REDIC1: variants seen among roughly 807,000 people sequenced by gnomAD.
REDIC1 encodes the protein regulator of DNA class I crossover intermediates 1.
the REDIC1 span, among the ~76,000 whole-genome samples, chr12:39,751,283 G>T: frequency 5.4e-3 from 826 of 152,272 alleles, 6 homozygotes; most frequent in African/African-American, 0.018. Context: ...TATGCAGCCA[G>T]CAGACACATG....
the REDIC1 span, among the ~76,000 whole-genome samples, chr12:39,805,157 A>T: frequency 3.4e-5 from 5 of 145,562 alleles, no homozygotes; most frequent in African/African-American, 1.3e-4. Context: ...CAGGCCAGAG[A>T]GTTGTGTGTT....
chr12:39,739,253 A>T, the REDIC1 span, among the ~76,000 whole-genome samples: 1,645 of 152,256 alleles, frequency 0.011, 23 homozygotes, highest in African/African-American at 0.038. Flanking sequence ...CTTATAGAGG[A>T]CCTACCATAT....
the REDIC1 span, among the ~76,000 whole-genome samples, chr12:39,751,061 TG>T: frequency 2.6e-5 from 4 of 152,066 alleles, no homozygotes; most frequent in African/African-American, 9.7e-5. Flanking sequence ...AATTGACAAA[TG>T]GGATCTAATT....
At chr12:39,747,737 AAC>A in the REDIC1 span, among the ~76,000 whole-genome samples, 4 of 152,244 alleles carry the variant, frequency 2.6e-5, no homozygotes, top group Non-Finnish European at 5.9e-5. Context: ...TTTCAGCAGA[AAC>A]TCTACAAGCC....
At chr12:39,678,596 T>C in the REDIC1 span, among the ~76,000 whole-genome samples, 20 of 129,820 alleles carry the variant, frequency 1.5e-4, no homozygotes, top group African/African-American at 6.0e-4. Flanking sequence ...GAAGCCAGTA[T>C]CACCCTAATA....
chr12:39,851,347 A>T, the REDIC1 span, among the ~76,000 whole-genome samples: 1 of 152,220 alleles, frequency 6.6e-6, no homozygotes, highest in African/African-American at 2.4e-5. Context: ...TTTATGACAT[A>T]AAAATCATAT....
At chr12:39,641,128 G>A in the REDIC1 span, 1 of 632,280 alleles carries the variant, frequency 1.6e-6, no homozygotes, top group Non-Finnish European at 2.7e-6. Flanking sequence ...CTTGTTGATA[G>A]CTTGATTAGC....
chr12:39,639,102 T>G, the REDIC1 span, among the ~76,000 whole-genome samples: 1 of 152,086 alleles, frequency 6.6e-6, no homozygotes, highest in African/African-American at 2.4e-5. Flanking sequence ...CTTTACTTTC[T>G]GTGCATAAGC....
the REDIC1 span, among the ~76,000 whole-genome samples, chr12:39,852,344 G>A: frequency 6.6e-6 from 1 of 152,196 alleles, no homozygotes; most frequent in Non-Finnish European, 1.5e-5. Context: ...ACTGTAATCA[G>A]TTGTAAGACT....
the REDIC1 span, among the ~76,000 whole-genome samples, chr12:39,802,716 T>C: frequency 6.6e-6 from 1 of 152,140 alleles, no homozygotes; most frequent in African/African-American, 2.4e-5. Context: ...TGTCCATATA[T>C]ATAGATATAA....
chr12:39,908,059 T>C, the REDIC1 span: 4,804 of 152,102 alleles, frequency 0.032, 116 homozygotes, highest in Non-Finnish European at 0.048. Flanking sequence ...GACTTATCTA[T>C]TACCAGGATC....
the REDIC1 span, among the ~76,000 whole-genome samples, chr12:39,848,956 G>T: frequency 6.6e-5 from 10 of 152,124 alleles, no homozygotes; most frequent in African/African-American, 1.9e-4. Context: ...TCACTTATAA[G>T]TGGGAGCTAA....
chr12:39,665,799 A>T, the REDIC1 span, among the ~76,000 whole-genome samples: 11 of 152,060 alleles, frequency 7.2e-5, no homozygotes, highest in Non-Finnish European at 1.3e-4. Flanking sequence ...ATCCCTTGTA[A>T]GTTGGATTCC....
chr12:39,903,655 A>T, the REDIC1 span, among the ~76,000 whole-genome samples: 1 of 152,050 alleles, frequency 6.6e-6, no homozygotes, highest in African/African-American at 2.4e-5. Flanking sequence ...GGGCTTCTAC[A>T]GGCATCTTCT....
At chr12:39,855,278 C>T in the REDIC1 span, among the ~76,000 whole-genome samples, 1 of 152,102 alleles carries the variant, frequency 6.6e-6, no homozygotes, top group Non-Finnish European at 1.5e-5. Context: ...TTGCCTTGTA[C>T]TTTTATATAA....
chr12:39,787,532 C>G, the REDIC1 span, among the ~76,000 whole-genome samples: 144,580 of 152,206 alleles, frequency 0.95, 68,760 homozygotes, highest in East Asian at 0.99. Context: ...CCCAGGCATA[C>G]TACTTTTCTT....
At chr12:39,685,095 A>T in the REDIC1 span, among the ~76,000 whole-genome samples, 1 of 152,316 alleles carries the variant, frequency 6.6e-6, no homozygotes. Context: ...TATAGCTTAG[A>T]TCTAGAAATA....
At chr12:39,726,886 GT>G in the REDIC1 span, among the ~76,000 whole-genome samples, 1 of 152,124 alleles carries the variant, frequency 6.6e-6, no homozygotes, top group Admixed American at 6.5e-5. Context: ...TCTCATTCTG[GT>G]TTTGATTTGC....
chr12:39,848,027 G>A, the REDIC1 span, among the ~76,000 whole-genome samples: 6 of 152,142 alleles, frequency 3.9e-5, no homozygotes, highest in African/African-American at 1.4e-4. Flanking sequence ...TCAGTAATGT[G>A]TGCCAAATGA....
Sources: allele counts gnomAD v4.1 joint callset (sites outside exome capture counted in the v4.1 genomes callset), GRCh38; gene constraint gnomAD v4.1.1; transcripts MANE v1.5; gene names NCBI Gene and HGNC (gene_info 2026-07-23, HGNC 2026-07-21).